Variants in ACSL1 observed in about 807,000 individuals in gnomAD.
ACSL1 encodes the protein acyl-CoA synthetase long chain family member 1.
ACSL1 carries 41 observed loss-of-function variants against 98.4 expected under a neutral mutation model. The observed-to-expected ratio is 0.42, with a 90% confidence interval of 0.32 to 0.54. ACSL1 has a LOEUF of 0.54. Among genes scored for constraint, ACSL1 ranks in the 20% least tolerant of loss-of-function variants. The pLI is 0.13. For missense variants in ACSL1, 734 were observed against 883.1 expected (o/e 0.83, Z 2.14); for synonymous variants, 316 against 322.7 (o/e 0.98, Z 0.22).
chr4:184,776,996 T>G lies in ACSL1; in HGVS notation c.478-13A>C. ...CAATAATCACCCACTAAACAAACAGTAAAGGTCAGGGAGAGAAAACAGGAT... is the reference window on the plus strand; with the variant it reads ...CAATAATCACCCACTAAACAAACAGGAAAGGTCAGGGAGAGAAAACAGGAT... On this transcript the variant is annotated splice_polypyrimidine_tract_variant and intron_variant, in intron 5 of 20. Transcript: ENST00000281455. 9.9e-6 allele frequency: 16 copies of G among 1,610,840 alleles called. No individual in the cohort carries two copies. Among genetic ancestry groups the G allele is most frequent in the Non-Finnish European group, 1.4e-5 (16 of 1,177,354 alleles).
Position 184,767,719 on chromosome 4 carries a change from G to A in ACSL1, c.1128+597C>T, listed in dbSNP as rs1267562615. Among the ~76,000 whole-genome samples, 3 of 152,174 alleles carry A rather than the reference G, an allele frequency of 2.0e-5. No homozygotes were observed. The East Asian group carries it at 5.8e-4, about 29-fold the overall frequency. On this transcript the variant is annotated intron_variant, in intron 12 of 20. Coordinates refer to ENST00000281455, the MANE Select transcript of ACSL1 (RefSeq NM_001995.5). ...AAGAACGTTCTGAGAGATAACAAAAGTCCTGCCTCAAAATAAAGAGTAAGT... is the reference window on the plus strand; with the variant it reads ...AAGAACGTTCTGAGAGATAACAAAAATCCTGCCTCAAAATAAAGAGTAAGT...
rs911442795 is a variant in ACSL1, at chr4:184,811,392, G to C, written c.-32-7846C>G. On this transcript the variant is annotated intron_variant, in intron 1 of 20. Transcript: ENST00000281455. ...CTCCCAAAGTGCTGGGATTACAGGT[G>C]TGAGCCACCGCGCCCAGCTGCACAA... Among the ~76,000 whole-genome samples the C allele has an allele frequency of 2.0e-5, 3 of 152,210 alleles. No individual in the cohort carries two copies. The South Asian group carries it at 6.2e-4, about 32-fold the overall frequency.
chr4:184,766,437 T>C lies in ACSL1; in HGVS notation c.1263+185A>G, dbSNP rs946748134. Among the ~76,000 whole-genome samples the C allele has an allele frequency of 1.3e-5, 2 of 152,224 alleles. No homozygotes were observed. Among genetic ancestry groups the C allele is most frequent in the African/African-American group, 2.4e-5 (1 of 41,454 alleles). On this transcript the variant is annotated intron_variant, in intron 13 of 20. Coordinates refer to ENST00000281455, the MANE Select transcript of ACSL1 (RefSeq NM_001995.5). The surrounding 1 kb of genome is among the most constrained non-coding windows in gnomAD (Gnocchi z 4.8). ...TTCCCCCTAGATGGCTGCAATACTATTGATCTTAGAAACTGAGGCCTCCTT... is the reference window on the plus strand; with the variant it reads ...TTCCCCCTAGATGGCTGCAATACTACTGATCTTAGAAACTGAGGCCTCCTT...
intron 2 of ACSL1, among the ~76,000 whole-genome samples, chr4:184,801,490 C>T (rs544531218): frequency 2.9e-4 from 44 of 152,282 alleles, no homozygotes; most frequent in African/African-American, 9.4e-4. Context: ...GGCTCTTCAC[C>T]GGTACCTTAT....
At chr4:184,779,820 G>T (rs1214378306) in intron 5 of ACSL1, among the ~76,000 whole-genome samples, 5 of 151,284 alleles carry the variant, frequency 3.3e-5, no homozygotes, top group East Asian at 1.9e-4. Context: ...CCAAAAAAGT[G>T]ATTTCTTTTT....
At position 184,773,844 on chromosome 4, in the gene ACSL1, T is replaced by C; in HGVS notation, c.788A>G (p.Lys263Arg). 2.5e-6 allele frequency: 4 copies of C among 1,613,946 alleles called. No homozygotes were observed. Among genetic ancestry groups the C allele is most frequent in the Non-Finnish European group, 2.5e-6 (3 of 1,179,866 alleles). Residue 263 changes from lysine to arginine, a missense_variant and splice_region_variant, in exon 8 of 21, where the codon AAG becomes AGG. Physicochemically the swap from Lys to Arg is conservative, Grantham distance 26. Coordinates refer to ENST00000281455, the MANE Select transcript of ACSL1 (RefSeq NM_001995.5). The surrounding 1 kb of genome is among the most constrained non-coding windows in gnomAD (Gnocchi z 4.3). Reference protein sequence around the residue: ...DLGRANRRKPKPPAPEDLAVI... With the variant: ...DLGRANRRKPRPPAPEDLAVI... Reference sequence around the variant, plus strand: ...CAGGGTCTGACACGGTGTGCTTACCTTGGGCTTCCGTCTGTTGGCTCTTCC... The same window carrying C: ...CAGGGTCTGACACGGTGTGCTTACCCTGGGCTTCCGTCTGTTGGCTCTTCC...
chr4:184,793,194 TAAA>T (rs5864899), intron 2 of ACSL1, among the ~76,000 whole-genome samples: 23 of 135,954 alleles, frequency 1.7e-4, no homozygotes, highest in Admixed American at 1.5e-4. Flanking sequence ...TGTTCCCAGT[TAAA>T]AAAAAAAAAA....
chr4:184,825,412 C>T lies in ACSL1; in HGVS notation c.-33+504G>A, dbSNP rs1773391976. ...GAGCTGCCTGTGGGCCTCGTGCCGCCGCGCTGCGTGGGGCCGGCATCTCAG... is the reference window on the plus strand; with the variant it reads ...GAGCTGCCTGTGGGCCTCGTGCCGCTGCGCTGCGTGGGGCCGGCATCTCAG... On this transcript the variant is annotated intron_variant, in intron 1 of 20. Coordinates refer to ENST00000281455, the MANE Select transcript of ACSL1 (RefSeq NM_001995.5). The surrounding 1 kb of genome is among the most constrained non-coding windows in gnomAD (Gnocchi z 4.7). 1 of 235,994 alleles carries T rather than the reference C, an allele frequency of 4.2e-6. No homozygotes were observed. The highest frequency in any genetic ancestry group is 6.9e-6 in the Non-Finnish European group (1 of 145,080). 14.6% of individuals were successfully genotyped at this position (235,994 alleles called of 1,614,324 possible).
chr4:184,823,040 C>G (rs1773190846), intron 1 of ACSL1, among the ~76,000 whole-genome samples: 1 of 152,204 alleles, frequency 6.6e-6, no homozygotes. Flanking sequence ...TGTTGAAACT[C>G]AAACTCAACT....
In ACSL1 at chr4:184,791,166, G is replaced by A. The variant is rs76667503; in HGVS notation, c.196-2435C>T. Among the ~76,000 whole-genome samples the A allele has an allele frequency of 6.5e-4, 99 of 152,308 alleles. 1 individual carries two copies. Among genetic ancestry groups the A allele is most frequent in the African/African-American group, 2.3e-3 (97 of 41,552 alleles). Reference sequence around the variant, plus strand: ...CTTGACACAACAGAAATGCATTCATGGTCTTTTTCAGTGCTCTCTCTTCAA... The same window carrying A: ...CTTGACACAACAGAAATGCATTCATAGTCTTTTTCAGTGCTCTCTCTTCAA... On this transcript the variant is annotated intron_variant, in intron 2 of 20. Coordinates refer to ENST00000281455, the MANE Select transcript of ACSL1 (RefSeq NM_001995.5).
At chr4:184,807,124 A>G (rs976690016) in intron 1 of ACSL1, among the ~76,000 whole-genome samples, 1 of 152,246 alleles carries the variant, frequency 6.6e-6, no homozygotes, top group Non-Finnish European at 1.5e-5. Context: ...ATGTGAACAT[A>G]AGCATTAGAC....
chr4:184,776,626 T>C lies in ACSL1; in HGVS notation c.614A>G (p.Lys205Arg). ...TACACCCTCTAATAAGAGTTTGGCC[T>C]TCTCTGGCTTGTCAACAAAAACCAG... Reference protein sequence around the residue: ...LSLVFVDKPEKAKLLLEGVEN... With the variant: ...LSLVFVDKPERAKLLLEGVEN... The change falls in exon 7 of 21, where the codon AAG becomes AGG. Residue 205 changes from lysine to arginine, a missense_variant. Physicochemically the swap from Lys to Arg is conservative, Grantham distance 26. Transcript: ENST00000281455. The C allele has an allele frequency of 6.2e-7, 1 of 1,613,128 alleles. No individual in the cohort carries two copies. Among genetic ancestry groups the C allele is most frequent in the South Asian group, 1.1e-5 (1 of 91,070 alleles).
chr4:184,789,629 T>C (rs183942989), intron 2 of ACSL1, among the ~76,000 whole-genome samples: 120 of 152,376 alleles, frequency 7.9e-4, no homozygotes, highest in Middle Eastern at 3.4e-3. Context: ...CACCTTTCTC[T>C]AAGTCGTCTT....
chr4:184,768,364 G>A lies in ACSL1; in HGVS notation c.1080C>T (p.Pro360=), dbSNP rs1261646485. 2 of 1,612,534 alleles carry A rather than the reference G, an allele frequency of 1.2e-6. No individual in the cohort carries two copies. The highest frequency in any genetic ancestry group is 1.1e-5 in the South Asian group (1 of 90,704). Residue 360 remains proline (P), a synonymous_variant, in exon 12 of 21, where the codon CCC becomes CCT. Coordinates refer to ENST00000281455, the MANE Select transcript of ACSL1 (RefSeq NM_001995.5). ...LLMDDLKVLQ[P]TVFPVVPRLL... ...GTCTTGGAACCACGGGGAAGACAGTGGGTTGAAGCACCTTGAGGTCATCCA... is the reference window on the plus strand; with the variant it reads ...GTCTTGGAACCACGGGGAAGACAGTAGGTTGAAGCACCTTGAGGTCATCCA...
At chr4:184,808,335 G>A (rs1229680752) in intron 1 of ACSL1, 36 of 985,130 alleles carry the variant, frequency 3.7e-5, no homozygotes, top group Non-Finnish European at 4.1e-5. Context: ...ACCAAAAACC[G>A]GGTGGTCTGG....
rs201779955 is a variant in ACSL1, at chr4:184,763,154, G to A, written c.1521+13C>T. On this transcript the variant is annotated intron_variant, in intron 16 of 20. Transcript: ENST00000281455. The stretch of plus-strand genomic sequence containing the variant: ...ATGGCAGCGAGGGAAAATGACTGAC[G>A]GTTTTCACTCACCTCGCCCTCGCCC... 45 of 1,611,268 alleles carry A rather than the reference G, an allele frequency of 2.8e-5. No homozygotes were observed. Among genetic ancestry groups the A allele is most frequent in the African/African-American group, 1.6e-4 (12 of 74,798 alleles).
intron 2 of ACSL1, among the ~76,000 whole-genome samples, chr4:184,793,252 T>C (rs939411107): frequency 2.7e-5 from 4 of 150,324 alleles, no homozygotes; most frequent in Non-Finnish European, 4.4e-5. Flanking sequence ...TCGGTGGTCA[T>C]GAGTATATTC....
intron 5 of ACSL1, 21 bp downstream of exon 5, chr4:184,780,311 C>T (rs1766028807): frequency 6.3e-7 from 1 of 1,594,386 alleles, no homozygotes; most frequent in African/African-American, 1.3e-5. Flanking sequence ...TCATGCATAG[C>T]AAGTACCTAC....
At chr4:184,799,483 C>T (rs1336590625) in intron 2 of ACSL1, among the ~76,000 whole-genome samples, 1 of 152,056 alleles carries the variant, frequency 6.6e-6, no homozygotes, top group Non-Finnish European at 1.5e-5. Flanking sequence ...TTTTATTTTA[C>T]CTGTCCCTTT....
Sources: gnomAD v4.1 joint callset for allele counts (sites outside exome capture counted in the v4.1 genomes callset) on GRCh38, gnomAD v4.1.1 for gene constraint, Gnocchi (gnomAD v3.1) non-coding constraint, MANE v1.5 for transcripts, NCBI Gene and HGNC (gene_info 2026-07-23, HGNC 2026-07-21) for gene names.